Variants in ALDH2 observed in about 807,000 individuals in gnomAD.
ALDH2 encodes the protein aldehyde dehydrogenase 2 family member, also known as aldehyde dehydrogenase, mitochondrial.
ALDH2 carries 44 observed loss-of-function variants against 59.6 expected under a neutral mutation model. That is an observed-to-expected ratio of 0.74 (90% CI 0.58 to 0.95). ALDH2 has a LOEUF of 0.95. ALDH2 is among the 40% of genes least tolerant of loss of function. The pLI is 0.00. For missense variants in ALDH2, 570 were observed against 696.3 expected (o/e 0.82, Z 2.04); for synonymous variants, 291 against 284.0 (o/e 1.02, Z -0.25).
At chr12:111,794,740 C>T (rs1010146406) in intron 9 of ALDH2, among the ~76,000 whole-genome samples, 4 of 151,966 alleles carry the variant, frequency 2.6e-5, no homozygotes, top group African/African-American at 9.7e-5. Flanking sequence ...TTGCTGGGCT[C>T]AAGCAATCCT....
intron 2 of ALDH2, 105 bp from the exon 3 acceptor site, chr12:111,783,053 C>CA: frequency 1.4e-6 from 2 of 1,433,762 alleles, no homozygotes; most frequent in South Asian, 2.8e-5. Context: ...GTTTTCTGTG[C>CA]AGCGATATGC....
intron 2 of ALDH2, 123 bp from the exon 3 acceptor site, chr12:111,783,035 C>T (rs751321870): frequency 5.0e-5 from 64 of 1,270,274 alleles, no homozygotes; most frequent in Non-Finnish European, 6.1e-5. Flanking sequence ...GCATTGTTTA[C>T]GGGGCAGGTT....
chr12:111,781,490 C>T (rs1003191191), intron 1 of ALDH2, among the ~76,000 whole-genome samples: 5 of 152,180 alleles, frequency 3.3e-5, no homozygotes, highest in African/African-American at 1.2e-4. Flanking sequence ...AGCCATCTTG[C>T]ACATCCAGCC....
intron 1 of ALDH2, among the ~76,000 whole-genome samples, chr12:111,774,602 A>G (rs2068222068): frequency 6.6e-6 from 1 of 152,174 alleles, no homozygotes; most frequent in Non-Finnish European, 1.5e-5. Flanking sequence ...CTTAAATCAG[A>G]ACTACTGAAC....
At chr12:111,776,364 G>A (rs779468896) in intron 1 of ALDH2, among the ~76,000 whole-genome samples, 22 of 152,224 alleles carry the variant, frequency 1.4e-4, no homozygotes, top group African/African-American at 4.3e-4. Context: ...CTGTACACTC[G>A]TTCTTGCATT....
Position 111,791,392 on chromosome 12 carries a change from C to T in ALDH2, c.768C>T (p.Asp256=). The stretch of plus-strand genomic sequence containing the variant: ...CCATTGCCTCCCATGAGGATGTGGA[C>T]AAAGTGGCATTCACAGGCTCCACTG... The part of the protein sequence containing the change: ...GAAIASHEDV[D]KVAFTGSTEI... Residue 256 remains aspartate, a synonymous_variant, in exon 7 of 13, where the codon GAC becomes GAT. Transcript: ENST00000261733. The T allele has an allele frequency of 6.2e-7, 1 of 1,613,930 alleles. No individual in the cohort carries two copies. The highest frequency in any genetic ancestry group is 8.5e-7 in the Non-Finnish European group (1 of 1,179,868).
At chr12:111,802,759 A>G (rs1303595393) in intron 11 of ALDH2, among the ~76,000 whole-genome samples, 2 of 151,182 alleles carry the variant, frequency 1.3e-5, no homozygotes, top group East Asian at 1.9e-4. Context: ...GGGCACCTGT[A>G]GTCCCAGCTA....
At chr12:111,800,185 G>C in intron 11 of ALDH2, 122 bp downstream of exon 11, 1 of 1,257,418 alleles carries the variant, frequency 8.0e-7, no homozygotes, top group Non-Finnish European at 1.1e-6. Context: ...CCTGGGTCAG[G>C]GTGTGATGTC....
chr12:111,809,630 A>G lies in ALDH2; in HGVS notation c.*55A>G. The G allele has an allele frequency of 6.3e-7, 1 of 1,594,638 alleles. No individual in the cohort carries two copies. The highest frequency in any genetic ancestry group is 8.6e-7 in the Non-Finnish European group (1 of 1,163,508). On this transcript the variant is annotated 3_prime_UTR_variant, in exon 13 of 13. Coordinates refer to ENST00000261733, the MANE Select transcript of ALDH2 (RefSeq NM_000690.4). ...TGATGGAAAGTTCAGCAAGATCAGC[A>G]ACAAAACCAAGAAAAATGATCCTTG...
chr12:111,772,795 A>C (rs1219448921), intron 1 of ALDH2, among the ~76,000 whole-genome samples: 2 of 150,458 alleles, frequency 1.3e-5, no homozygotes, highest in Non-Finnish European at 2.9e-5. Context: ...TGCGTCAGCC[A>C]CTAGAGGCAC....
rs748550381 is a variant in ALDH2, at chr12:111,791,327, G to A, written c.703G>A (p.Val235Ile). The change falls in exon 7 of 13, where the codon GTC becomes ATC. Residue 235 changes from valine (V) to isoleucine (I), a missense_variant. Physicochemically the swap from Val to Ile is conservative, Grantham distance 29 (BLOSUM62 3). Coordinates refer to ENST00000261733, the MANE Select transcript of ALDH2 (RefSeq NM_000690.4). ...ACAGGCTGGCTTTCCCCCTGGTGTG[G>A]TCAACATTGTGCCTGGATTTGGCCC... is the stretch of plus-strand genomic sequence containing the variant. Reference protein sequence around the residue: ...IKEAGFPPGVVNIVPGFGPTA... With the variant: ...IKEAGFPPGVINIVPGFGPTA... 4 of 1,613,912 alleles carry A rather than the reference G, an allele frequency of 2.5e-6. No individual in the cohort carries two copies. Among genetic ancestry groups the A allele is most frequent in the Non-Finnish European group, 3.4e-6 (4 of 1,179,966 alleles).
At chr12:111,799,514 T>A (rs1334511723) in intron 10 of ALDH2, among the ~76,000 whole-genome samples, 1 of 151,198 alleles carries the variant, frequency 6.6e-6, no homozygotes, top group Non-Finnish European at 1.5e-5. Flanking sequence ...TCTCTGTGTT[T>A]GCCAGGCTGG....
At chr12:111,800,126 G>A in intron 11 of ALDH2, 63 bp downstream of exon 11, 1 of 1,505,652 alleles carries the variant, frequency 6.6e-7, no homozygotes, top group Non-Finnish European at 8.9e-7. Flanking sequence ...GGGCCTACTG[G>A]AATCTGGTGG....
chr12:111,790,970 G>T (rs2068353910), intron 6 of ALDH2, among the ~76,000 whole-genome samples: 1 of 152,088 alleles, frequency 6.6e-6, no homozygotes, highest in African/African-American at 2.4e-5. Flanking sequence ...GATCACTTGA[G>T]CCCAGGAGTT....
chr12:111,783,334 G>A (rs774292279), intron 3 of ALDH2, 36 bp downstream of exon 3: 8 of 1,573,184 alleles, frequency 5.1e-6, no homozygotes, highest in Non-Finnish European at 6.1e-6. Flanking sequence ...CAGATCCCAT[G>A]TGGTGAATAG....
intron 3 of ALDH2, among the ~76,000 whole-genome samples, chr12:111,784,202 T>C (rs1236982859): frequency 6.6e-6 from 1 of 152,186 alleles, no homozygotes; most frequent in Non-Finnish European, 1.5e-5. Context: ...TAGTCCTAGC[T>C]ACATGGTAGG....
chr12:111,780,622 C>G (rs931970762), intron 1 of ALDH2, among the ~76,000 whole-genome samples: 5 of 152,186 alleles, frequency 3.3e-5, no homozygotes, highest in African/African-American at 4.8e-5. Context: ...CTCTACCCCC[C>G]ACCTTAGTCA....
intron 4 of ALDH2, among the ~76,000 whole-genome samples, chr12:111,788,687 G>C (rs1373399485): frequency 6.6e-6 from 1 of 152,048 alleles, no homozygotes; most frequent in East Asian, 1.9e-4. Context: ...TTTCTTCCAG[G>C]GTCACAAACC....
chr12:111,776,411 G>A (rs1181147649), intron 1 of ALDH2, among the ~76,000 whole-genome samples: 1 of 152,088 alleles, frequency 6.6e-6, no homozygotes, highest in African/African-American at 2.4e-5. Context: ...ACTCGATGAG[G>A]CATCTGGGAA....
Sources: allele counts gnomAD v4.1 joint callset (sites outside exome capture counted in the v4.1 genomes callset), GRCh38; gene constraint gnomAD v4.1.1; transcripts MANE v1.5; gene names NCBI Gene and HGNC (gene_info 2026-07-23, HGNC 2026-07-21).